The following SLC41A3 variants were observed in gnomAD, a reference collection of about 807,000 sequenced individuals.
SLC41A3 encodes the protein solute carrier family 41 member 3, also known as SLC41A1-like 2.
A neutral mutation model predicts 45.4 loss-of-function variants in SLC41A3; 44 were observed. The observed-to-expected ratio is 0.97, with a 90% CI of 0.76 to 1.25. The LOEUF (loss-of-function observed/expected upper bound fraction) is 1.25, where lower values mean the gene tolerates loss of function less well. SLC41A3 is among the 50% of genes most tolerant of loss of function. The pLI is 0.00. For synonymous variants in SLC41A3, 256 were observed against 252.4 expected, an observed-to-expected ratio of 1.01 and a Z score of -0.13; for missense variants, 550 against 600.6, an observed-to-expected ratio of 0.92 and a Z score of 0.88.
At position 126,091,785 on chromosome 3, in the gene SLC41A3, A is replaced by G. The variant is rs936685956; in HGVS notation, c.-79+9644T>C. Among the ~76,000 whole-genome samples the G allele has an allele frequency of 2.0e-4, 31 of 152,204 alleles. 2 individuals carry two copies. The highest frequency in any genetic ancestry group is 4.4e-5 in the Non-Finnish European group (3 of 68,032). On this transcript the variant is annotated intron_variant, in intron 1 of 9. Transcript: ENST00000508835. ...CCACTTCAAAATATGTCAAAGAAAT[A>G]CATTTGGGGGTAAAATACTTTGATT...
upstream of SLC41A3, among the ~76,000 whole-genome samples, chr3:126,085,093 C>T (rs1945348168): frequency 6.6e-6 from 1 of 152,214 alleles, no homozygotes; most frequent in African/African-American, 2.4e-5. Flanking sequence ...TGGACAAACT[C>T]AACCAATTGT....
At chr3:126,059,298 GAA>G (rs1258889546) in intron 2 of SLC41A3, among the ~76,000 whole-genome samples, 10 of 126,928 alleles carry the variant, frequency 7.9e-5, no homozygotes, top group Admixed American at 1.6e-4. Context: ...AAGAAAGAAA[GAA>G]AGAAAGAAAG....
chr3:126,059,292 A>AAGAG (rs1491334653), intron 2 of SLC41A3, among the ~76,000 whole-genome samples: 3 of 101,762 alleles, frequency 2.9e-5, no homozygotes, highest in Non-Finnish European at 6.7e-5. Context: ...GAAAGAAAGA[A>AAGAG]AGAAAGAAAG....
At chr3:126,084,442 A>G (rs1358028746), upstream of SLC41A3, 2 of 152,196 alleles carry the variant, frequency 1.3e-5, no homozygotes, top group South Asian at 2.1e-4. Context: ...TGGAGCTGTC[A>G]AGGTAGAAAG....
intron 1 of SLC41A3, among the ~76,000 whole-genome samples, chr3:126,071,244 T>G (rs993952381): frequency 2.6e-5 from 4 of 151,936 alleles, no homozygotes; most frequent in African/African-American, 9.7e-5. Flanking sequence ...ATAACTGGAG[T>G]GGCTTTAATA....
rs1939130253 is a variant in SLC41A3, at chr3:126,006,626, C to G, written c.*390G>C. 1.6e-5 allele frequency: 24 copies of G among 1,541,726 alleles called. No homozygotes were observed. In the South Asian group the frequency reaches 2.9e-4, roughly 19 times the overall value. On this transcript the variant is annotated 3_prime_UTR_variant, in exon 11 of 11. Coordinates refer to ENST00000360370, the MANE Select transcript of SLC41A3 (RefSeq NM_017836.4). ...TCTGAGGCTTGGGAACAGAAAAGAGCTCCTTCCTGCTCCACCCCAATCTGG... is the reference window on the plus strand; with the variant it reads ...TCTGAGGCTTGGGAACAGAAAAGAGGTCCTTCCTGCTCCACCCCAATCTGG...
At chr3:126,008,468 A>G (rs1939358693) in intron 10 of SLC41A3, among the ~76,000 whole-genome samples, 1 of 147,850 alleles carries the variant, frequency 6.8e-6, no homozygotes, top group Admixed American at 6.7e-5. Flanking sequence ...TGTGGGGTAC[A>G]GTGTGTGGTG....
chr3:126,006,878 AC>A lies in SLC41A3; in HGVS notation c.*137del. The A allele has an allele frequency of 6.6e-7, 1 of 1,522,810 alleles. No homozygotes were observed. Among genetic ancestry groups the A allele is most frequent in the East Asian group, 2.3e-5 (1 of 44,004 alleles). The allele number at this position is 1,522,810 out of a possible 1,614,324, so 94.3% of individuals were successfully genotyped here. On this transcript the variant is annotated 3_prime_UTR_variant, in exon 11 of 11. Coordinates refer to ENST00000360370, the MANE Select transcript of SLC41A3 (RefSeq NM_017836.4). ...CCCAGAGCCGAGGTGTGTGAGAGCT[AC>A]CTTAGCAGACTCACAAAAGGCTACT...
chr3:126,037,363 C>T (rs1425311523), intron 3 of SLC41A3, among the ~76,000 whole-genome samples: 4 of 152,158 alleles, frequency 2.6e-5, no homozygotes, highest in African/African-American at 7.2e-5. Flanking sequence ...TTTGGAACTT[C>T]GTACAGACTT....
rs546258745 is a variant in SLC41A3, at chr3:126,047,962, G to A, written c.381+2981C>T. ...AAGGTATCCTACAGAACTGGAGAAAGTATTTGCAAAGCATATACTGATAAG... is the reference window on the plus strand; with the variant it reads ...AAGGTATCCTACAGAACTGGAGAAAATATTTGCAAAGCATATACTGATAAG... On this transcript the variant is annotated intron_variant, in intron 3 of 10. Transcript: ENST00000360370. 5.8e-4 allele frequency among the ~76,000 whole-genome samples: 88 copies of A among 152,268 alleles called. 1 individual carries two copies. Among genetic ancestry groups the A allele is most frequent in the Non-Finnish European group, 1.9e-4 (13 of 68,018 alleles).
intron 8 of SLC41A3, among the ~76,000 whole-genome samples, chr3:126,013,145 C>T (rs1439795274): frequency 1.3e-5 from 2 of 151,786 alleles, no homozygotes; most frequent in African/African-American, 4.8e-5. Flanking sequence ...TAAGTCAGAC[C>T]TCAAGGCCAC....
At chr3:126,046,076 A>G (rs1191856548) in intron 3 of SLC41A3, among the ~76,000 whole-genome samples, 1 of 151,816 alleles carries the variant, frequency 6.6e-6, no homozygotes, top group African/African-American at 2.4e-5. Context: ...CCAACAAACT[A>G]GAAATAAAAG....
Position 126,008,785 on chromosome 3 carries a change from C to T in SLC41A3, c.1201G>A (p.Val401Ile). The T allele has an allele frequency of 6.2e-7, 1 of 1,614,158 alleles. No individual in the cohort carries two copies. The highest frequency in any genetic ancestry group is 8.5e-7 in the Non-Finnish European group (1 of 1,179,998). The change falls in exon 10 of 11, where the codon GTC (valine) becomes ATC (isoleucine). Residue 401 changes from valine (V) to isoleucine (I), a missense_variant. Physicochemically the swap from Val to Ile is conservative, Grantham distance 29. Transcript: ENST00000360370. Reference sequence around the variant, plus strand: ...ACCACAAAGGTCTGGCTGTTTATGACTGACTGACCCTCCACCAGGTAGATG... The same window carrying T: ...ACCACAAAGGTCTGGCTGTTTATGATTGACTGACCCTCCACCAGGTAGATG... ...YIIYLVEGQS[V>I]INSQTFVVLY...
In SLC41A3 at chr3:126,064,348, T is replaced by C. The variant is rs561623341; in HGVS notation, c.273+3599A>G. 1.2e-4 allele frequency among the ~76,000 whole-genome samples: 18 copies of C among 152,174 alleles called. No homozygotes were observed. The South Asian group carries it at 3.3e-3, about 28-fold the overall frequency. ...CTGCCACCCTGTGGAATTACGCATA[T>C]AGTCAGGAATGGAGGGCAGGTTTCC... On this transcript the variant is annotated intron_variant, in intron 2 of 10. Coordinates refer to ENST00000360370, the MANE Select transcript of SLC41A3 (RefSeq NM_017836.4).
At position 126,007,933 on chromosome 3, in the gene SLC41A3, G is replaced by T. The variant is rs189887167; in HGVS notation, c.1255-708C>A. 1.8e-4 allele frequency among the ~76,000 whole-genome samples: 28 copies of T among 152,338 alleles called. No homozygotes were observed. In the East Asian group the frequency reaches 5.0e-3, roughly 27 times the overall value. On this transcript the variant is annotated intron_variant, in intron 10 of 10. Transcript: ENST00000360370. ...CCCGCTGCAGTCTAGGCAGTGTGCT[G>T]AATACCTGCCCAACACAGGCACCAG... is the stretch of plus-strand genomic sequence containing the variant.
chr3:126,087,794 T>TA (rs34149710), upstream of SLC41A3, among the ~76,000 whole-genome samples: 14,953 of 90,854 alleles, frequency 0.16, 1,019 homozygotes, highest in African/African-American at 0.4. Flanking sequence ...GGAATTTGTT[T>TA]AAAAAAAAAA....
At chr3:126,037,227 C>A (rs1011477040) in intron 3 of SLC41A3, among the ~76,000 whole-genome samples, 2 of 152,164 alleles carry the variant, frequency 1.3e-5, no homozygotes, top group African/African-American at 4.8e-5. Flanking sequence ...GATGCCTGCT[C>A]CCCTTCGCCT....
In SLC41A3 at chr3:126,022,897, T is replaced by G. The variant is rs200870325; in HGVS notation, c.634A>C (p.Lys212Gln). 337 of 1,614,172 alleles carry G rather than the reference T, an allele frequency of 2.1e-4. No individual in the cohort carries two copies. Among genetic ancestry groups the G allele is most frequent in the Non-Finnish European group, 2.7e-4 (324 of 1,180,040 alleles). Residue 212 changes from lysine (K) to glutamine (Q), a missense_variant, in exon 6 of 11, where the codon AAG becomes CAG. Transcript: ENST00000360370. Reference protein sequence around the residue: ...LMVCIVIGARKLGVNPDNIAT... With the variant: ...LMVCIVIGARQLGVNPDNIAT... ...ATGTTGTCTGGGTTGACCCCGAGCT[T>G]TCGAGCACCAATCACTATACAGACC...
intron 3 of SLC41A3, among the ~76,000 whole-genome samples, chr3:126,044,163 A>C (rs1468182071): frequency 6.6e-6 from 1 of 152,244 alleles, no homozygotes; most frequent in African/African-American, 2.4e-5. Flanking sequence ...CTAATATGAG[A>C]CAAAATGGAC....
Sources: gnomAD v4.1 joint callset for allele counts (sites outside exome capture counted in the v4.1 genomes callset) on GRCh38, gnomAD v4.1.1 for gene constraint, MANE v1.5 for transcripts, NCBI Gene and HGNC (gene_info 2026-07-23, HGNC 2026-07-21) for gene names.